Variants in SSX1 observed in about 807,000 individuals in gnomAD.
The protein encoded by SSX1 is SSX family member 1.
Under a neutral mutation model 14.6 loss-of-function variants are expected in SSX1, and 58 were observed. The observed-to-expected ratio is 3.96, with a 90% CI of 3.21 to 4.93. SSX1 has a LOEUF of 4.93. Among genes scored for constraint, SSX1 ranks in the 30% most tolerant of loss-of-function variants. The probability of loss-of-function intolerance (pLI) is 0.00; values close to 1 mark genes in which losing one functional copy is unlikely to be tolerated. For missense variants in SSX1, 272 were observed against 143.1 expected, an observed-to-expected ratio of 1.90 and a Z score of -4.60; for synonymous variants, 46 against 52.1, an observed-to-expected ratio of 0.88 and a Z score of 0.50.
Position 48,266,307 on chromosome X carries a change from G to T in SSX1, c.487G>T (p.Ala163Ser). 2 of 1,210,010 alleles carry T rather than the reference G, an allele frequency of 1.7e-6. No individual in the cohort carries two copies. The highest frequency in any genetic ancestry group is 2.2e-6 in the Non-Finnish European group (2 of 895,339). Residue 163 changes from alanine to serine, a missense_variant, in exon 7 of 8, where the codon GCC becomes TCC. Ala to Ser is a moderately conservative substitution (Grantham distance 99). Coordinates refer to ENST00000376919, the MANE Select transcript of SSX1 (RefSeq NM_005635.4). ...KRSGPKRGKH[A>S]WTHRLRERKQ... ...CATAGGACCCAAAAGGGGGAAACAT[G>T]CCTGGACCCACAGACTGCGTGAGAG...
rs368787182 is a variant in SSX1 at position 48,263,808 on chromosome X, C to G, written c.357C>G (p.Asp119Glu). 2.5e-6 allele frequency: 3 copies of G among 1,211,106 alleles called. No individual in the cohort carries two copies. The highest frequency in any genetic ancestry group is 3.0e-5 in the East Asian group (1 of 33,842). Reference sequence around the variant, plus strand: ...TCATGCCCAAGAAGCCAGCAGAGGACGAAAATGATTCGAAGGGAGTGTCAG... The same window carrying G: ...TCATGCCCAAGAAGCCAGCAGAGGAGGAAAATGATTCGAAGGGAGTGTCAG... ...PKIMPKKPAEDENDSKGVSEA... is the reference protein window; with the variant it reads ...PKIMPKKPAEEENDSKGVSEA... Residue 119 changes from aspartate (D) to glutamate (E), a missense_variant, in exon 6 of 8, where the codon GAC becomes GAG. Transcript: ENST00000376919.
intron 1 of SSX1, among the ~76,000 whole-genome samples, chrX:48,255,682 G>T (rs1556934166): frequency 9.7e-6 from 1 of 103,567 alleles, no homozygotes. Flanking sequence ...TGTTGACCAG[G>T]CTGGCCTCAA....
chrX:48,262,901 T>G (rs12845609), intron 5 of SSX1, among the ~76,000 whole-genome samples: 1 of 109,196 alleles, frequency 9.2e-6, no homozygotes, highest in South Asian at 4.0e-4. Context: ...TTTAGGAGGT[T>G]GAGGCGGGCA....
intron 4 of SSX1, among the ~76,000 whole-genome samples, chrX:48,259,939 T>A (rs2059598263): frequency 9.6e-6 from 1 of 103,688 alleles, no homozygotes; most frequent in Non-Finnish European, 2.0e-5. Context: ...TATAGCAGCA[T>A]GATTTATAGT....
intron 5 of SSX1, among the ~76,000 whole-genome samples, chrX:48,262,634 G>A (rs1249182540): frequency 4.5e-5 from 5 of 111,563 alleles, no homozygotes; most frequent in Non-Finnish European, 7.5e-5. Flanking sequence ...AGTGATTCTG[G>A]AAGTGCAGAT....
chrX:48,256,544 G>A (rs2059582902), intron 1 of SSX1, among the ~76,000 whole-genome samples: 1 of 90,847 alleles, frequency 1.1e-5, no homozygotes, highest in Non-Finnish European at 2.1e-5. Context: ...CAAGAGATCT[G>A]CACGCCTCGG....
At chrX:48,258,336 A>C (rs184701342) in intron 3 of SSX1, among the ~76,000 whole-genome samples, 200 bp from the exon 4 acceptor site, 33 of 107,881 alleles carry the variant, frequency 3.1e-4, no homozygotes, top group African/African-American at 1.0e-3. Context: ...GGATATGAGC[A>C]CATGCCTCCA....
At chrX:48,265,524 T>G (rs1251945601) in intron 6 of SSX1, among the ~76,000 whole-genome samples, 2 of 85,392 alleles carry the variant, frequency 2.3e-5, no homozygotes, top group Non-Finnish European at 5.2e-5. Flanking sequence ...CACACAACAT[T>G]GATCAATTAC....
chrX:48,257,451 T>C (rs1402876397), intron 2 of SSX1, 141 bp downstream of exon 2: 9 of 1,166,672 alleles, frequency 7.7e-6, no homozygotes, highest in Non-Finnish European at 1.0e-5. Flanking sequence ...GCCTCCCACC[T>C]GTGTTCTGTC....
chrX:48,264,550 G>C (rs1242198288), intron 6 of SSX1, among the ~76,000 whole-genome samples: 10 of 112,375 alleles, frequency 8.9e-5, no homozygotes, highest in Admixed American at 8.5e-4. Context: ...CACTCTTCTT[G>C]TTGGTGGAGG....
Position 48,257,309 on chromosome X carries a change from AG to A in SSX1, c.69+1del. ...DDAKASEKRS[K>X]AFDDIATYFS... ...GCTAAAGCATCAGAGAAGAGAAGCA[AG>A]GTGACGTGACCTGGAGGGGGCAGAG... On this transcript the variant is annotated frameshift_variant and splice_region_variant, in exon 2 of 8. Coordinates refer to ENST00000376919, the MANE Select transcript of SSX1 (RefSeq NM_005635.4). LOFTEE classifies it high-confidence loss of function. 1.7e-6 allele frequency: 2 copies of A among 1,210,502 alleles called. No homozygotes were observed. Among genetic ancestry groups the A allele is most frequent in the Non-Finnish European group, 2.2e-6 (2 of 894,707 alleles).
intron 7 of SSX1, 82 bp from the exon 8 acceptor site, chrX:48,266,772 G>A (rs2059625496): frequency 9.3e-6 from 6 of 642,365 alleles, no homozygotes; most frequent in South Asian, 2.4e-5. Context: ...TGCAGGGTCT[G>A]CAGGTCAGGA....
At chrX:48,261,925 C>T (rs1268390260) in intron 5 of SSX1, 110 bp downstream of exon 5, 1 of 886,819 alleles carries the variant, frequency 1.1e-6, no homozygotes, top group Admixed American at 2.6e-5. Flanking sequence ...TCTTTCTCCC[C>T]ATGTCTATCA....
intron 3 of SSX1, 99 bp from the exon 4 acceptor site, chrX:48,258,437 T>C: frequency 1.6e-6 from 1 of 609,345 alleles, no homozygotes; most frequent in East Asian, 3.4e-5. Context: ...CAAACAATCC[T>C]CCTGCCTCAG....
chrX:48,257,514 C>T, intron 2 of SSX1: 1 of 753,661 alleles, frequency 1.3e-6, no homozygotes, highest in Non-Finnish European at 1.6e-6. Context: ...CATTTGGTAA[C>T]TCTCAGTCCA....
chrX:48,257,811 A>T lies in SSX1; in HGVS notation c.135A>T (p.Lys45Asn). The T allele has an allele frequency of 2.5e-6, 3 of 1,207,777 alleles. No homozygotes were observed. The highest frequency in any genetic ancestry group is 2.2e-6 in the Non-Finnish European group (2 of 892,890). The change falls in exon 3 of 8, where the codon AAA (lysine) becomes AAT (asparagine). Residue 45 changes from lysine to asparagine, a missense_variant. Transcript: ENST00000376919. ...GGAAAAAGATGAAATACTCGGAGAA[A>T]ATCAGCTATGTGTATATGAAGAGAA... is the stretch of plus-strand genomic sequence containing the variant. Reference protein sequence around the residue: ...KEWKKMKYSEKISYVYMKRNY... With the variant: ...KEWKKMKYSENISYVYMKRNY...
rs782534875 is a variant in SSX1 at position 48,257,209 on chromosome X, G to A, written c.-20-13G>A. 1.7e-6 allele frequency: 2 copies of A among 1,207,385 alleles called. No individual in the cohort carries two copies. The highest frequency in any genetic ancestry group is 2.2e-6 in the Non-Finnish European group (2 of 891,594). ...TCCTGTAGCTAGAAAGTCTCAGGCT[G>A]TTTCTCTTGCAGGTGAGACTGCTCC... On this transcript the variant is annotated splice_polypyrimidine_tract_variant and intron_variant, in intron 1 of 7. Coordinates refer to ENST00000376919, the MANE Select transcript of SSX1 (RefSeq NM_005635.4).
In SSX1 at chrX:48,261,820, G is replaced by A. The variant is rs1556935535; in HGVS notation, c.330+5G>A. 2 of 1,209,877 alleles carry A rather than the reference G, an allele frequency of 1.7e-6. No individual in the cohort carries two copies. Among genetic ancestry groups the A allele is most frequent in the Admixed American group, 2.2e-5 (1 of 45,931 alleles). ...CTCCACAGAATCATCCCGAAGGTGA[G>A]TATCTCTCAAATCTAAAGGACCAGA... On this transcript the variant is annotated splice_donor_5th_base_variant and intron_variant, in intron 5 of 7. Transcript: ENST00000376919.
intron 5 of SSX1, among the ~76,000 whole-genome samples, chrX:48,262,363 C>T (rs12116165): frequency 0.065 from 7,319 of 112,010 alleles, 284 homozygotes; most frequent in East Asian, 0.25. Flanking sequence ...AGCTCATTCA[C>T]GTTTGTATTT....
Sources: allele counts gnomAD v4.1 joint callset (sites outside exome capture counted in the v4.1 genomes callset), GRCh38; gene constraint gnomAD v4.1.1; transcripts MANE v1.5; gene names NCBI Gene and HGNC (gene_info 2026-07-23, HGNC 2026-07-21).